Variants in GABRB1 observed in about 807,000 individuals in gnomAD.
The protein encoded by GABRB1 is gamma-aminobutyric acid type A receptor subunit beta1.
GABRB1 carries 17 observed loss-of-function variants against 51.6 expected under a neutral mutation model. The ratio of observed to expected loss-of-function variants is 0.33; its 90% confidence interval spans 0.23 to 0.49. The LOEUF is 0.49. Ranked by LOEUF, GABRB1 falls within the 20% of genes least tolerant of loss-of-function variation. GABRB1 has a pLI of 0.99. For missense variants in GABRB1, 410 were observed against 600.6 expected (o/e 0.68, Z 3.32); for synonymous variants, 247 against 218.9 (o/e 1.13, Z -1.14).
chr4:47,074,077 A>T lies in GABRB1; in HGVS notation c.240+41593A>T, dbSNP rs892082366. 1.5e-4 allele frequency among the ~76,000 whole-genome samples: 23 copies of T among 152,200 alleles called. 1 individual carries two copies. The highest frequency in any genetic ancestry group is 4.4e-5 in the Non-Finnish European group (3 of 68,032). ...TGTAAGATAAATACAATTTTTCTCA[A>T]ATATGATTGTATTAAAAACATTGCT... On this transcript the variant is annotated intron_variant, in intron 3 of 8. Transcript: ENST00000295454.
At chr4:47,155,940 T>TATATATATATATAC (rs1367516975) in intron 3 of GABRB1, among the ~76,000 whole-genome samples, 2 of 142,146 alleles carry the variant, frequency 1.4e-5, no homozygotes, top group Admixed American at 1.4e-4. Flanking sequence ...TATATATATA[T>TATATATATATATAC]ATATATGAAA....
At chr4:47,267,104 G>A (rs1021297321) in intron 4 of GABRB1, among the ~76,000 whole-genome samples, 2 of 152,096 alleles carry the variant, frequency 1.3e-5, no homozygotes, top group African/African-American at 4.8e-5. Context: ...AGCAAACAGT[G>A]AGTGTTAGCA....
intron 4 of GABRB1, among the ~76,000 whole-genome samples, chr4:47,282,450 G>C (rs1274301281): frequency 1.3e-5 from 2 of 151,920 alleles, no homozygotes; most frequent in Middle Eastern, 3.4e-3. Context: ...ATTTTTTTCA[G>C]ATATCTGCTC....
chr4:47,331,641 C>A (rs1344844268), intron 5 of GABRB1, among the ~76,000 whole-genome samples: 1 of 151,872 alleles, frequency 6.6e-6, no homozygotes, highest in African/African-American at 2.4e-5. Flanking sequence ...AGGAAACAAC[C>A]AAACACTTAA....
intron 4 of GABRB1, among the ~76,000 whole-genome samples, chr4:47,276,696 C>G (rs1429620535): frequency 6.6e-6 from 1 of 152,122 alleles, no homozygotes; most frequent in Admixed American, 6.6e-5. Context: ...AAACCTAAAT[C>G]TTATTACGCT....
At chr4:47,417,513 G>GC (rs1728969491) in intron 8 of GABRB1, among the ~76,000 whole-genome samples, 1 of 151,768 alleles carries the variant, frequency 6.6e-6, no homozygotes, top group South Asian at 2.1e-4. Flanking sequence ...GCCCTGGTGA[G>GC]CGCAAATGAC....
chr4:47,097,375 T>C (rs1360709672), intron 3 of GABRB1, among the ~76,000 whole-genome samples: 1 of 152,174 alleles, frequency 6.6e-6, no homozygotes, highest in Non-Finnish European at 1.5e-5. Context: ...GCTGCAGGAT[T>C]CACTTCTGTG....
chr4:47,149,900 C>T (rs575227696), intron 3 of GABRB1, among the ~76,000 whole-genome samples: 23 of 152,040 alleles, frequency 1.5e-4, no homozygotes, highest in African/African-American at 5.1e-4. Context: ...CAGTCAAAGA[C>T]CAACAGAAGT....
At chr4:47,406,647 C>G in intron 7 of GABRB1, 35 bp from the exon 8 acceptor site, 1 of 1,612,054 alleles carries the variant, frequency 6.2e-7, no homozygotes, top group Non-Finnish European at 8.5e-7. Context: ...TTAATAGTGG[C>G]ACCTTCAGCT....
intron 4 of GABRB1, among the ~76,000 whole-genome samples, chr4:47,267,101 A>C (rs1229825661): frequency 6.6e-6 from 1 of 152,190 alleles, no homozygotes; most frequent in East Asian, 1.9e-4. Flanking sequence ...AACAGCAAAC[A>C]GTGAGTGTTA....
rs181556393 is a variant in GABRB1, at chr4:47,309,642, T to C, written c.462-10485T>C. Among the ~76,000 whole-genome samples, 58 of 152,212 alleles carry C rather than the reference T, an allele frequency of 3.8e-4. No homozygotes were observed. The East Asian group carries it at 0.011, about 28-fold the overall frequency. On this transcript the variant is annotated intron_variant, in intron 4 of 8. Transcript: ENST00000295454. The stretch of plus-strand genomic sequence containing the variant: ...GGGTATAGTATCCATTAAAATTATG[T>C]CCATGGAGCATACCTAAGACTTAAG...
chr4:47,329,387 G>A (rs2109973105), intron 5 of GABRB1, among the ~76,000 whole-genome samples: 1 of 149,256 alleles, frequency 6.7e-6, no homozygotes, highest in South Asian at 2.1e-4. Flanking sequence ...AATATATAAT[G>A]TATAATATAA....
rs1259869760 is a variant in GABRB1, at chr4:47,376,232, A to T, written c.545-27086A>T. On this transcript the variant is annotated intron_variant, in intron 5 of 8. Transcript: ENST00000295454. Reference sequence around the variant, plus strand: ...GATAAGGATAGAACCCAGAAATTTTATTTCAAAAACAGTGAAAGGAGGTGA... The same window carrying T: ...GATAAGGATAGAACCCAGAAATTTTTTTTCAAAAACAGTGAAAGGAGGTGA... Among the ~76,000 whole-genome samples the T allele has an allele frequency of 2.0e-5, 3 of 152,302 alleles. No individual in the cohort carries two copies. The East Asian group carries it at 5.8e-4, about 29-fold the overall frequency.
chr4:47,371,996 T>A (rs181581036), intron 5 of GABRB1, among the ~76,000 whole-genome samples: 1 of 152,206 alleles, frequency 6.6e-6, no homozygotes, highest in East Asian at 1.9e-4. Context: ...GGTGTTTTTA[T>A]TGTGAAATCT....
At chr4:47,027,460 G>C (rs1725136402), upstream of GABRB1, among the ~76,000 whole-genome samples, 1 of 151,340 alleles carries the variant, frequency 6.6e-6, no homozygotes, top group South Asian at 2.1e-4. Context: ...TAAATAAGAA[G>C]AGCTGAAAAA....
rs973029976 is a variant in GABRB1 at position 47,032,844 on chromosome 4, C to T, written c.240+360C>T. 9.2e-6 allele frequency: 4 copies of T among 436,400 alleles called. No homozygotes were observed. In the East Asian group the frequency reaches 1.8e-4, roughly 20 times the overall value. The allele number at this position is 436,400 out of a possible 1,614,324, so 27.0% of individuals were successfully genotyped here. A position where few individuals can be genotyped will look rare whatever the true frequency, so the allele number is the denominator to read the frequency against. On this transcript the variant is annotated intron_variant, in intron 3 of 8. Transcript: ENST00000295454. ...CAGCCGGGCGGCCTGCACTAGGGTC[C>T]CCGGACCGGTGGTCGGCAGCCATCA...
intron 1 of GABRB1, among the ~76,000 whole-genome samples, chr4:46,999,282 G>C (rs749534132): frequency 3.3e-5 from 5 of 152,094 alleles, no homozygotes; most frequent in Admixed American, 3.3e-4. Context: ...GTCATGTCTT[G>C]TTTCAAGACT....
intron 4 of GABRB1, among the ~76,000 whole-genome samples, chr4:47,290,262 T>TCCTGAGATCTGA (rs1723673165): frequency 2.0e-5 from 3 of 152,194 alleles, no homozygotes; most frequent in Admixed American, 6.5e-5. Flanking sequence ...ATAGTAAGTC[T>TCCTGAGATCTGA]CCTGAGATCT....
intron 5 of GABRB1, among the ~76,000 whole-genome samples, chr4:47,333,188 TTTTATTTATATATATA>T (rs1315983260): frequency 1.2e-4 from 8 of 64,860 alleles, no homozygotes; most frequent in Non-Finnish European, 1.8e-4. Flanking sequence ...TTAAAACCCA[TTTTATTTATATATATA>T]TATATATATA....
Sources: allele counts gnomAD v4.1 joint callset (sites outside exome capture counted in the v4.1 genomes callset), GRCh38; gene constraint gnomAD v4.1.1; transcripts MANE v1.5; gene names NCBI Gene and HGNC (gene_info 2026-07-23, HGNC 2026-07-21).